The following BIRC6 variants were observed in gnomAD, a reference collection of about 807,000 sequenced individuals.
BIRC6 encodes baculoviral IAP repeat containing 6.
Under a neutral mutation model 503.3 loss-of-function variants are expected in BIRC6, and 98 were observed. That is an observed-to-expected ratio of 0.19 (90% CI 0.17 to 0.23). The LOEUF (loss-of-function observed/expected upper bound fraction) is 0.23. BIRC6 is among the 10% of genes least tolerant of loss of function. The pLI, the probability that BIRC6 is intolerant of heterozygous loss-of-function variation, is 1.00. For missense variants in BIRC6, 5,360 were observed against 5,806.0 expected (o/e 0.92, Z 2.50); for synonymous variants, 2,240 against 2,078.7 (o/e 1.08, Z -2.11).
intron 23 of BIRC6, 59 bp downstream of exon 23, chr2:32,454,001 A>G: frequency 7.9e-7 from 1 of 1,261,462 alleles, no homozygotes; most frequent in Admixed American, 2.5e-5. Flanking sequence ...ATAAAGTGAT[A>G]TTTATATATT....
intron 8 of BIRC6, 102 bp downstream of exon 8, chr2:32,401,725 C>A: frequency 9.6e-7 from 1 of 1,038,230 alleles, no homozygotes; most frequent in Non-Finnish European, 1.4e-6. Context: ...AAAAAAGTTA[C>A]GCAGTTAAGA....
intron 11 of BIRC6, 38 bp from the exon 12 acceptor site, chr2:32,430,826 TC>T (rs374759837): frequency 1.1e-4 from 106 of 939,186 alleles, no homozygotes; most frequent in South Asian, 5.0e-4. Context: ...TTTTTTTTTT[TC>T]CACACCTATT....
At chr2:32,439,401 A>G (rs1438541485) in intron 15 of BIRC6, 107 bp from the exon 16 acceptor site, 4 of 1,094,870 alleles carry the variant, frequency 3.7e-6, no homozygotes, top group African/African-American at 1.6e-5. Flanking sequence ...GTTCTGGCCT[A>G]CTGTACTTTT....
rs780739900 is a variant in BIRC6 at position 32,395,527 on chromosome 2, A to G, written c.968A>G (p.Asp323Gly). 6.2e-7 allele frequency: 1 copy of G among 1,610,306 alleles called. No homozygotes were observed. The highest frequency in any genetic ancestry group is 8.5e-7 in the Non-Finnish European group (1 of 1,177,396). The part of the protein sequence containing the change: ...GFYHQPASSG[D>G]DRAMCFTCSV... ...ATTTTGCAGCCTGCCTCATCTGGAG[A>G]TGATAGAGCCATGTGTTTTACTTGT... Residue 323 changes from aspartate to glycine, a missense_variant, in exon 6 of 74, where the codon GAT becomes GGT. By Grantham distance (94) the Asp-to-Gly change is moderately conservative (BLOSUM62 -1). Coordinates refer to ENST00000421745, the MANE Select transcript of BIRC6 (RefSeq NM_016252.4).
At chr2:32,482,704 G>C in intron 39 of BIRC6, 122 bp downstream of exon 39, 1 of 973,546 alleles carries the variant, frequency 1.0e-6, no homozygotes, top group Non-Finnish European at 1.5e-6. Flanking sequence ...TATCACAGCT[G>C]TGCCGTGAGT....
rs773665748 is a variant in BIRC6 at position 32,515,462 on chromosome 2, G to A, written c.11041G>A (p.Asp3681Asn). ...QQCNKMPITA[D>N]LVAPILRFLT... is the part of the protein sequence containing the mutation. The stretch of plus-strand genomic sequence containing the variant: ...ATGTAATAAGATGCCTATCACAGCC[G>A]ACCTAGTTGCTCCTATTCTTAGGTT... Residue 3681 changes from aspartate (D) to asparagine (N), a missense_variant, in exon 55 of 74, where the codon GAC (aspartate) becomes AAC (asparagine). Asp to Asn is a conservative substitution (Grantham distance 23). Coordinates refer to ENST00000421745, the MANE Select transcript of BIRC6 (RefSeq NM_016252.4). 5.0e-6 allele frequency: 8 copies of A among 1,613,244 alleles called. No homozygotes were observed. The highest frequency in any genetic ancestry group is 4.4e-5 in the South Asian group (4 of 91,058).
intron 21 of BIRC6, among the ~76,000 whole-genome samples, chr2:32,447,355 G>A (rs1166429832): frequency 1.3e-5 from 2 of 150,596 alleles, no homozygotes; most frequent in Non-Finnish European, 3.0e-5. Context: ...CTCACCTCCC[G>A]GATGGGGCGG....
chr2:32,360,089 G>A (rs1024519272), intron 1 of BIRC6, among the ~76,000 whole-genome samples: 4 of 152,082 alleles, frequency 2.6e-5, no homozygotes, highest in African/African-American at 9.7e-5. Flanking sequence ...CCTCTTTCCC[G>A]TTTATGGGCA....
Position 32,388,924 on chromosome 2 carries a change from C to T in BIRC6, c.820C>T (p.Pro274Ser). Residue 274 changes from proline (P) to serine (S), a missense_variant, in exon 4 of 74, where the codon CCA becomes TCA. Pro to Ser is a moderately conservative substitution (Grantham distance 74). Coordinates refer to ENST00000421745, the MANE Select transcript of BIRC6 (RefSeq NM_016252.4). The part of the protein sequence containing the change: ...PSARPELGVG[P>S]GRSVDRSLMY... ...TGCACGTCCAGAACTCGGAGTGGGG[C>T]CAGGCCGTTCTGTAGACAGGTATGA... The T allele has an allele frequency of 6.3e-7, 1 of 1,597,172 alleles. No individual in the cohort carries two copies. Among genetic ancestry groups the T allele is most frequent in the Non-Finnish European group, 8.5e-7 (1 of 1,172,610 alleles).
chr2:32,362,096 T>C (rs2034185709), intron 1 of BIRC6, among the ~76,000 whole-genome samples: 1 of 152,216 alleles, frequency 6.6e-6, no homozygotes, highest in African/African-American at 2.4e-5. Flanking sequence ...TTTACTTTTG[T>C]AAGAAACTGA....
At chr2:32,364,916 A>G (rs1181411856) in intron 1 of BIRC6, among the ~76,000 whole-genome samples, 1 of 152,176 alleles carries the variant, frequency 6.6e-6, no homozygotes, top group African/African-American at 2.4e-5. Context: ...ACTGTAAATG[A>G]TTCAAAACAG....
intron 22 of BIRC6, among the ~76,000 whole-genome samples, chr2:32,451,110 G>C (rs2046674609): frequency 6.6e-6 from 1 of 152,176 alleles, no homozygotes; most frequent in African/African-American, 2.4e-5. Context: ...GCCTACATCT[G>C]TTCTTGCCTC....
intron 41 of BIRC6, 94 bp from the exon 42 acceptor site, chr2:32,488,494 C>T (rs1018677788): frequency 3.1e-5 from 34 of 1,084,658 alleles, no homozygotes; most frequent in Middle Eastern, 3.0e-4. Flanking sequence ...GTTATTTACT[C>T]GTGACAAGAA....
At chr2:32,370,061 T>TAC (rs71820292) in intron 1 of BIRC6, among the ~76,000 whole-genome samples, 6,630 of 140,894 alleles carry the variant, frequency 0.047, 352 homozygotes, top group African/African-American at 0.13. Context: ...TGTGTATGTA[T>TAC]ACACACACAC....
intron 68 of BIRC6, 93 bp from the exon 69 acceptor site, chr2:32,597,658 G>T: frequency 1.1e-6 from 1 of 890,348 alleles, no homozygotes; most frequent in South Asian, 1.6e-5. Context: ...GTTCTCTCCA[G>T]TTGAGTGGGA....
At chr2:32,419,432 CAT>C (rs2150084692) in intron 10 of BIRC6, among the ~76,000 whole-genome samples, 1 of 152,002 alleles carries the variant, frequency 6.6e-6, no homozygotes, top group South Asian at 2.1e-4. Flanking sequence ...ATACACACTA[CAT>C]ATAAAATTTT....
intron 3 of BIRC6, among the ~76,000 whole-genome samples, chr2:32,380,936 T>C (rs549584792): frequency 6.6e-6 from 1 of 152,294 alleles, no homozygotes; most frequent in African/African-American, 2.4e-5. Context: ...GGACTATGTC[T>C]TTGGAAATTG....
intron 27 of BIRC6, 66 bp from the exon 28 acceptor site, chr2:32,467,837 A>G (rs2048720892): frequency 1.4e-6 from 2 of 1,448,026 alleles, no homozygotes; most frequent in Admixed American, 2.3e-5. Flanking sequence ...ATCTTTTTAA[A>G]TACATTGCTC....
chr2:32,591,562 C>T (rs375697162), intron 66 of BIRC6, among the ~76,000 whole-genome samples: 1 of 152,240 alleles, frequency 6.6e-6, no homozygotes, highest in African/African-American at 2.4e-5. Context: ...AGTTCATGCT[C>T]CATGCTAAAG....
Sources: gnomAD v4.1 joint callset for allele counts (sites outside exome capture counted in the v4.1 genomes callset) on GRCh38, gnomAD v4.1.1 for gene constraint, MANE v1.5 for transcripts, NCBI Gene and HGNC (gene_info 2026-07-23, HGNC 2026-07-21) for gene names.